The following CELF2 variants were observed in gnomAD, a reference collection of about 807,000 sequenced individuals.
The protein encoded by CELF2 is CUGBP Elav-like family member 2.
In CELF2, 8 loss-of-function variants were observed where a neutral mutation model predicts 62.6. The ratio of observed to expected loss-of-function variants is 0.13; its 90% CI spans 0.07 to 0.23. CELF2 has a LOEUF of 0.23. Among genes scored for constraint, CELF2 ranks in the 10% least tolerant of loss-of-function variants. CELF2 has a pLI of 1.00. For synonymous variants in CELF2, 258 were observed against 250.0 expected (o/e 1.03, Z -0.30); for missense variants, 333 against 671.0 (o/e 0.50, Z 5.56).
chr10:11,226,110 G>C (rs1383500751), intron 3 of CELF2, among the ~76,000 whole-genome samples: 1 of 152,200 alleles, frequency 6.6e-6, no homozygotes, highest in African/African-American at 2.4e-5. Flanking sequence ...CAGCACAACG[G>C]GAACAGTCAC....
At chr10:11,041,986 G>A (rs113478480) in intron 1 of CELF2, among the ~76,000 whole-genome samples, 7,000 of 152,250 alleles carry the variant, frequency 0.046, 226 homozygotes, top group Middle Eastern at 0.075. Context: ...CCCATTGGGG[G>A]CATAATTATG....
the CELF2 span, among the ~76,000 whole-genome samples, chr10:10,599,167 A>G: frequency 2.2e-4 from 34 of 152,328 alleles, no homozygotes; most frequent in Non-Finnish European, 4.1e-4. Flanking sequence ...ATTATTAATT[A>G]GTATAAATTG....
At chr10:10,943,832 C>A (rs1171789505) in intron 2 of CELF2, among the ~76,000 whole-genome samples, 1 of 151,538 alleles carries the variant, frequency 6.6e-6, no homozygotes, top group Non-Finnish European at 1.5e-5. Context: ...AAACTCCTGA[C>A]CTCAGGTGAT....
intron 1 of CELF2, among the ~76,000 whole-genome samples, chr10:11,134,921 G>A (rs1431744160): frequency 1.3e-5 from 2 of 152,190 alleles, no homozygotes; most frequent in African/African-American, 2.4e-5. Flanking sequence ...AGCTGTGGCC[G>A]CTGGCTTGAG....
rs2050859783 is a variant in CELF2 at position 10,972,523 on chromosome 10, G to A, written c.89+52524G>A. Among the ~76,000 whole-genome samples the A allele has an allele frequency of 6.6e-6, 1 of 152,062 alleles. No individual in the cohort carries two copies. The highest frequency in any genetic ancestry group is 1.5e-5 in the Non-Finnish European group (1 of 68,014). ...TTCTCTTGGTATTTCTCAGCTTTCT[G>A]CTTTGACCCACTGCTCTTCTTTCTA... is the stretch of plus-strand genomic sequence containing the variant. On this transcript the variant is annotated intron_variant, in intron 2 of 13. Coordinates refer to the CELF2 transcript ENST00000636488. The surrounding 1 kb of genome is among the most constrained non-coding windows in gnomAD (Gnocchi z 4.4).
the CELF2 span, among the ~76,000 whole-genome samples, chr10:10,629,217 A>T: frequency 6.6e-6 from 1 of 152,144 alleles, no homozygotes; most frequent in Non-Finnish European, 1.5e-5. Flanking sequence ...CATCCTGAGT[A>T]TAAAGTGAGG....
chr10:10,908,074 C>T (rs1175320579), intron 1 of CELF2, among the ~76,000 whole-genome samples: 4 of 152,070 alleles, frequency 2.6e-5, no homozygotes, highest in Non-Finnish European at 5.9e-5. Flanking sequence ...ATACTGATGC[C>T]GCCCGGCCTG....
chr10:10,753,587 T>G, the CELF2 span, among the ~76,000 whole-genome samples: 2 of 152,210 alleles, frequency 1.3e-5, no homozygotes, highest in Non-Finnish European at 2.9e-5. Flanking sequence ...ACTACCATGT[T>G]AATCAATTAT....
chr10:11,310,111 C>T (rs553721322), intron 9 of CELF2, among the ~76,000 whole-genome samples: 4 of 152,298 alleles, frequency 2.6e-5, no homozygotes, highest in East Asian at 1.9e-4. Context: ...CTATGCCTAG[C>T]GTAGAGCTTC....
intron 4 of CELF2, 25 bp downstream of exon 4, chr10:11,249,226 TTAA>T (rs771109625): frequency 2.5e-6 from 4 of 1,578,632 alleles, no homozygotes; most frequent in Non-Finnish European, 3.5e-6. Context: ...ACTGTCTTGC[TTAA>T]TAATAATATC....
chr10:11,005,290 G>C, upstream of CELF2: 2 of 1,585,224 alleles, frequency 1.3e-6, no homozygotes, highest in Non-Finnish European at 1.7e-6. The surrounding 1 kb of genome is among the most constrained non-coding windows in gnomAD (Gnocchi z 4.3). Flanking sequence ...GAGAGAGAGA[G>C]AGAGGGAGGA....
chr10:10,572,703 C>A, the CELF2 span, among the ~76,000 whole-genome samples: 1 of 152,162 alleles, frequency 6.6e-6, no homozygotes, highest in African/African-American at 2.4e-5. Context: ...CTTTTTATGG[C>A]TGCATAATAT....
At chr10:11,256,021 G>C (rs1178296349) in intron 4 of CELF2, among the ~76,000 whole-genome samples, 1 of 152,140 alleles carries the variant, frequency 6.6e-6, no homozygotes, top group Non-Finnish European at 1.5e-5. Context: ...TCCCTCCCCC[G>C]CTGGACCTTG....
chr10:11,041,146 C>T lies in CELF2; in HGVS notation c.74+22983C>T, dbSNP rs1255404756. Among the ~76,000 whole-genome samples, 3 of 152,302 alleles carry T rather than the reference C, an allele frequency of 2.0e-5. No homozygotes were observed. In the East Asian group the frequency reaches 5.8e-4, roughly 29 times the overall value. On this transcript the variant is annotated intron_variant, in intron 1 of 12. Coordinates refer to ENST00000633077, the MANE Select transcript of CELF2 (RefSeq NM_001326342.2). ...ACATGGTTCAAAAAAGTTGTAGTGT[C>T]CTTTTTTCTTCTTAAAAGAGCACTA...
chr10:10,606,627 G>C, the CELF2 span, among the ~76,000 whole-genome samples: 1 of 152,054 alleles, frequency 6.6e-6, no homozygotes, highest in Admixed American at 6.5e-5. Context: ...AGCAAACTTG[G>C]TTCTTTGTAA....
chr10:10,741,303 C>T, the CELF2 span, among the ~76,000 whole-genome samples: 1 of 151,812 alleles, frequency 6.6e-6, no homozygotes, highest in African/African-American at 2.4e-5. Flanking sequence ...ACGATGTCAA[C>T]AGATCGAGAC....
intron 3 of CELF2, among the ~76,000 whole-genome samples, chr10:11,233,085 C>T (rs527856559): frequency 6.6e-6 from 1 of 152,218 alleles, no homozygotes. Context: ...GGAAAGAAAA[C>T]CTACCTAGAA....
At position 10,928,464 on chromosome 10, in the gene CELF2, C is replaced by A. The variant is rs1305298309; in HGVS notation, c.89+8465C>A. 6.6e-6 allele frequency among the ~76,000 whole-genome samples: 1 copy of A among 152,092 alleles called. No homozygotes were observed. The highest frequency in any genetic ancestry group is 1.5e-5 in the Non-Finnish European group (1 of 68,032). On this transcript the variant is annotated intron_variant, in intron 2 of 13. Transcript: ENST00000636488. This position sits in a 1 kb window ranked among gnomAD's most constrained non-coding sequence, Gnocchi z 4.8. ...GATTTTGCAAACTACAGCCCACAGA[C>A]GAAATCTAGATAGTGGCCTGTGCTT...
rs531740237 is a variant in CELF2 at position 10,804,565 on chromosome 10, A to G, written c.53+5748A>G. Among the ~76,000 whole-genome samples the G allele has an allele frequency of 2.6e-5, 4 of 152,366 alleles. No individual in the cohort carries two copies. The East Asian group carries it at 7.7e-4, about 29-fold the overall frequency. ...GTCAGAGATGTTTTAGGTTATGAGC[A>G]CTTGATCTCACAAAGATGATGAATG... is the stretch of plus-strand genomic sequence containing the variant. On this transcript the variant is annotated intron_variant, in intron 1 of 13. Coordinates refer to the CELF2 transcript ENST00000636488.
Sources: allele counts gnomAD v4.1 joint callset (sites outside exome capture counted in the v4.1 genomes callset), GRCh38; gene constraint gnomAD v4.1.1; non-coding constraint Gnocchi (gnomAD v3.1); transcripts MANE v1.5; gene names NCBI Gene and HGNC (gene_info 2026-07-23, HGNC 2026-07-21).